COL24A1: variants seen among roughly 807,000 people sequenced by gnomAD.
COL24A1 encodes the protein collagen alpha-1(XXIV) chain.
A neutral mutation model predicts 253.9 loss-of-function variants in COL24A1; 224 were observed. That is an observed-to-expected ratio of 0.88 (90% CI 0.79 to 0.99). The LOEUF is 0.99. COL24A1 is among the 50% of genes least tolerant of loss of function. COL24A1 has a pLI of 0.00. For synonymous variants in COL24A1, 685 were observed against 673.7 expected, an observed-to-expected ratio of 1.02 and a Z score of -0.26; for missense variants, 2,131 against 2,068.5, an observed-to-expected ratio of 1.03 and a Z score of -0.59.
chr1:86,118,155 T>C (rs1706333205), intron 3 of COL24A1, among the ~76,000 whole-genome samples: 1 of 151,126 alleles, frequency 6.6e-6, no homozygotes, highest in Admixed American at 6.6e-5. Context: ...CTCCCCTTCT[T>C]GGGTTCAAGC....
intron 19 of COL24A1, among the ~76,000 whole-genome samples, chr1:85,996,504 T>C (rs561392620): frequency 3.1e-5 from 2 of 63,532 alleles, no homozygotes; most frequent in East Asian, 8.5e-4. Context: ...GGCATGGTGG[T>C]GGGTTCCTGA....
At chr1:85,819,044 A>AT (rs1180708420) in intron 45 of COL24A1, among the ~76,000 whole-genome samples, 1 of 152,238 alleles carries the variant, frequency 6.6e-6, no homozygotes, top group African/African-American at 2.4e-5. Flanking sequence ...TCTCTAAGAG[A>AT]TAAAAATCCA....
chr1:85,804,789 G>T (rs998381188), intron 47 of COL24A1, among the ~76,000 whole-genome samples: 9 of 152,100 alleles, frequency 5.9e-5, no homozygotes, highest in Non-Finnish European at 1.3e-4. Context: ...TGAGATTTGG[G>T]TGGGAACACA....
chr1:85,858,629 T>C (rs898107454), intron 37 of COL24A1, among the ~76,000 whole-genome samples: 74 of 110,090 alleles, frequency 6.7e-4, no homozygotes, highest in African/African-American at 3.1e-3. Flanking sequence ...CCCTCCTTCC[T>C]TCCTTCCTTC....
intron 59 of COL24A1, among the ~76,000 whole-genome samples, chr1:85,731,009 A>G (rs1663418015): frequency 6.6e-6 from 1 of 152,210 alleles, no homozygotes; most frequent in Non-Finnish European, 1.5e-5. Flanking sequence ...ATGAGTAATA[A>G]CCATCTGTTC....
chr1:85,980,661 C>T (rs1035349499), intron 20 of COL24A1, among the ~76,000 whole-genome samples: 3 of 152,174 alleles, frequency 2.0e-5, no homozygotes, highest in Non-Finnish European at 4.4e-5. Flanking sequence ...GTAATCCCAG[C>T]ACTTTGGGAG....
intron 46 of COL24A1, 86 bp downstream of exon 46, chr1:85,817,948 C>T (rs1558239496): frequency 1.9e-6 from 2 of 1,052,266 alleles, no homozygotes. Context: ...AACATGATGA[C>T]ACAATTGGCC....
At chr1:85,899,073 G>T (rs17128468) in intron 28 of COL24A1, among the ~76,000 whole-genome samples, 61 of 152,226 alleles carry the variant, frequency 4.0e-4, no homozygotes, top group African/African-American at 1.3e-3. Flanking sequence ...AAGCATGAAG[G>T]TCCCTCAGGA....
intron 24 of COL24A1, among the ~76,000 whole-genome samples, chr1:85,959,894 T>C (rs1690847069): frequency 6.6e-6 from 1 of 152,180 alleles, no homozygotes; most frequent in Non-Finnish European, 1.5e-5. Context: ...TCTTAAGCAA[T>C]TTGTCACTCA....
chr1:85,889,485 C>A, intron 32 of COL24A1, 75 bp downstream of exon 32: 1 of 1,265,756 alleles, frequency 7.9e-7, no homozygotes, highest in Non-Finnish European at 1.2e-6. Flanking sequence ...AGTCACAGCA[C>A]AGCAGAGCAA....
chr1:86,150,018 CT>C (rs1231863253), intron 1 of COL24A1, among the ~76,000 whole-genome samples: 2 of 152,054 alleles, frequency 1.3e-5, no homozygotes, highest in Non-Finnish European at 2.9e-5. Flanking sequence ...CTTCAATTTC[CT>C]TTTTTAGCAG....
chr1:85,840,019 G>A (rs374844960), intron 42 of COL24A1, among the ~76,000 whole-genome samples: 5 of 152,228 alleles, frequency 3.3e-5, no homozygotes, highest in East Asian at 1.9e-4. Context: ...TTACTCTTAC[G>A]TGGACAAAGG....
chr1:85,895,994 T>C (rs1286612845), intron 30 of COL24A1, 27 bp downstream of exon 30: 12 of 1,604,272 alleles, frequency 7.5e-6, no homozygotes, highest in Non-Finnish European at 1.0e-5. Flanking sequence ...AATGTTCATC[T>C]TTAATGTGAA....
intron 47 of COL24A1, among the ~76,000 whole-genome samples, chr1:85,786,900 ATAAAGT>A (rs1460299762): frequency 6.6e-6 from 1 of 152,254 alleles, no homozygotes; most frequent in Non-Finnish European, 1.5e-5. Context: ...TTAACTGGAA[ATAAAGT>A]TAAGCAAGCA....
At chr1:85,925,312 G>A (rs1222744341) in intron 24 of COL24A1, among the ~76,000 whole-genome samples, 1 of 152,114 alleles carries the variant, frequency 6.6e-6, no homozygotes, top group East Asian at 1.9e-4. Context: ...CACGGAATTG[G>A]AAAAAACTAT....
At chr1:85,932,477 A>T (rs1480748229) in intron 24 of COL24A1, among the ~76,000 whole-genome samples, 1 of 121,774 alleles carries the variant, frequency 8.2e-6, no homozygotes, top group Non-Finnish European at 1.7e-5. Context: ...GAACACTTTT[A>T]CACTGTTGGT....
chr1:86,125,306 G>C lies in COL24A1; in HGVS notation c.1030C>G (p.Gln344Glu), dbSNP rs750639574. Residue 344 changes from glutamine to glutamate, a missense_variant, in exon 3 of 60, where the codon CAG becomes GAG. Coordinates refer to ENST00000370571, the MANE Select transcript of COL24A1 (RefSeq NM_152890.7). ...AKEMITEEDTQTNFSLSVTTH... is the reference protein window; with the variant it reads ...AKEMITEEDTETNFSLSVTTH... Reference sequence around the variant, plus strand: ...GTCACTGACAGGCTGAAATTTGTCTGAGTATCTTCCTCAGTGATCATTTCT... The same window carrying C: ...GTCACTGACAGGCTGAAATTTGTCTCAGTATCTTCCTCAGTGATCATTTCT... 1.2e-6 allele frequency: 2 copies of C among 1,613,616 alleles called. No individual in the cohort carries two copies. The highest frequency in any genetic ancestry group is 1.7e-4 in the Middle Eastern group (1 of 6,058).
chr1:85,874,553 T>C (rs1680909309), intron 35 of COL24A1, 96 bp downstream of exon 35: 1 of 1,095,974 alleles, frequency 9.1e-7, no homozygotes, highest in South Asian at 1.5e-5. Context: ...ATCAGAAAGG[T>C]TTATTATCCA....
At chr1:86,086,149 G>C (rs770791914) in intron 7 of COL24A1, among the ~76,000 whole-genome samples, 1 of 152,108 alleles carries the variant, frequency 6.6e-6, no homozygotes, top group Non-Finnish European at 1.5e-5. Context: ...GAAAAATGAA[G>C]TCACTGTTAT....
Sources: allele counts gnomAD v4.1 joint callset (sites outside exome capture counted in the v4.1 genomes callset), GRCh38; gene constraint gnomAD v4.1.1; transcripts MANE v1.5; gene names NCBI Gene and HGNC (gene_info 2026-07-23, HGNC 2026-07-21).